ARL15: variants seen among roughly 807,000 people sequenced by gnomAD.
The protein encoded by ARL15 is ADP-ribosylation factor-like protein 15.
Under a neutral mutation model 25.2 loss-of-function variants are expected in ARL15, and 19 were observed. The observed-to-expected ratio is 0.75, with a 90% CI of 0.53 to 1.10. The LOEUF is 1.10. ARL15 is among the 50% of genes least tolerant of loss of function. The pLI is 0.00. For missense variants in ARL15, 220 were observed against 246.0 expected, an observed-to-expected ratio of 0.89 and a Z score of 0.71; for synonymous variants, 94 against 86.8, an observed-to-expected ratio of 1.08 and a Z score of -0.46.
intron 1 of ARL15, among the ~76,000 whole-genome samples, chr5:54,277,357 C>A (rs1048249234): frequency 1.3e-5 from 2 of 152,026 alleles, no homozygotes; most frequent in African/African-American, 4.8e-5. Context: ...TGATTTCTAC[C>A]CACTAGCAAA....
At chr5:54,307,954 G>C (rs991252534) in intron 1 of ARL15, 1 of 152,086 alleles carries the variant, frequency 6.6e-6, no homozygotes, top group African/African-American at 2.4e-5. Context: ...TCCCTGCAAG[G>C]TAAGTAAAAG....
chr5:54,223,116 A>G (rs1756423774), intron 1 of ARL15, among the ~76,000 whole-genome samples: 1 of 151,702 alleles, frequency 6.6e-6, no homozygotes, highest in African/African-American at 2.4e-5. Flanking sequence ...GGGCCTTAAA[A>G]TTATCACGCA....
intron 4 of ARL15, among the ~76,000 whole-genome samples, chr5:54,030,637 G>C (rs31227): frequency 0.31 from 46,438 of 151,912 alleles, 8,104 homozygotes; most frequent in African/African-American, 0.47. Context: ...AGTTTGGCTT[G>C]TGCCAAGAAC....
At chr5:54,099,965 A>AT (rs1343407597) in intron 4 of ARL15, among the ~76,000 whole-genome samples, 1 of 152,040 alleles carries the variant, frequency 6.6e-6, no homozygotes, top group Non-Finnish European at 1.5e-5. Context: ...GCCAAGTTAA[A>AT]TATTCATCAA....
chr5:53,926,937 GA>G (rs1354156145), intron 4 of ARL15, among the ~76,000 whole-genome samples: 5 of 149,346 alleles, frequency 3.3e-5, no homozygotes, highest in Non-Finnish European at 7.4e-5. Flanking sequence ...CAGTCACCAA[GA>G]CCTTTTTTTT....
At chr5:54,050,117 C>G (rs1011272311) in intron 4 of ARL15, among the ~76,000 whole-genome samples, 5 of 152,128 alleles carry the variant, frequency 3.3e-5, no homozygotes, top group South Asian at 2.1e-4. Flanking sequence ...ACGAAGAATT[C>G]AAGCACCAAA....
At chr5:53,959,680 T>G (rs1747298093) in intron 4 of ARL15, among the ~76,000 whole-genome samples, 1 of 152,098 alleles carries the variant, frequency 6.6e-6, no homozygotes, top group East Asian at 1.9e-4. Context: ...TACTACTTTC[T>G]GCACTGATTT....
intron 4 of ARL15, among the ~76,000 whole-genome samples, chr5:53,988,480 A>C (rs1748372618): frequency 6.6e-6 from 1 of 152,180 alleles, no homozygotes; most frequent in African/African-American, 2.4e-5. Flanking sequence ...CTGCTCATTA[A>C]ATGTTAGCTT....
chr5:53,957,113 A>G (rs1389363267), intron 4 of ARL15, among the ~76,000 whole-genome samples: 1 of 152,196 alleles, frequency 6.6e-6, no homozygotes, highest in Non-Finnish European at 1.5e-5. Flanking sequence ...GTGAACTCCA[A>G]CAAGAATCAA....
At chr5:54,250,477 C>A (rs1302337466) in intron 1 of ARL15, among the ~76,000 whole-genome samples, 1 of 152,130 alleles carries the variant, frequency 6.6e-6, no homozygotes, top group Non-Finnish European at 1.5e-5. Context: ...TGATGAGAAG[C>A]AAGTTTAGTT....
intron 2 of ARL15, among the ~76,000 whole-genome samples, chr5:54,168,626 T>C (rs1157894601): frequency 6.6e-6 from 1 of 152,008 alleles, no homozygotes; most frequent in Non-Finnish European, 1.5e-5. Context: ...CCTAAATCTC[T>C]GCATGCTGTG....
chr5:53,970,017 TG>T (rs1179639128), intron 4 of ARL15, among the ~76,000 whole-genome samples: 2 of 152,196 alleles, frequency 1.3e-5, no homozygotes, highest in African/African-American at 4.8e-5. Context: ...GGGAGAACCT[TG>T]GAAGAAGTAA....
chr5:54,225,055 C>T (rs892225400), intron 1 of ARL15, among the ~76,000 whole-genome samples: 27 of 152,170 alleles, frequency 1.8e-4, no homozygotes, highest in African/African-American at 6.5e-4. Flanking sequence ...CTATTTTTCT[C>T]TAAAAATGAG....
intron 1 of ARL15, among the ~76,000 whole-genome samples, chr5:54,236,547 T>C (rs560330690): frequency 1.8e-4 from 28 of 152,290 alleles, no homozygotes; most frequent in Admixed American, 7.8e-4. Context: ...GTATGCTTCG[T>C]CTGTCATTCT....
At chr5:54,063,257 G>A (rs369796161) in intron 4 of ARL15, among the ~76,000 whole-genome samples, 13 of 152,352 alleles carry the variant, frequency 8.5e-5, no homozygotes, top group African/African-American at 3.1e-4. Flanking sequence ...CAAGTTGAGG[G>A]ATCTGTGGCT....
At chr5:54,015,164 G>A (rs1230706509) in intron 4 of ARL15, among the ~76,000 whole-genome samples, 2 of 151,660 alleles carry the variant, frequency 1.3e-5, no homozygotes, top group African/African-American at 4.8e-5. Context: ...CATGGTGGTG[G>A]GCACCTGTAA....
intron 4 of ARL15, among the ~76,000 whole-genome samples, chr5:54,101,777 T>A (rs1234648856): frequency 6.6e-6 from 1 of 152,166 alleles, no homozygotes; most frequent in East Asian, 1.9e-4. Context: ...GGACTTAATT[T>A]GCTTATTAAC....
intron 4 of ARL15, among the ~76,000 whole-genome samples, chr5:53,926,255 G>T (rs1469938602): frequency 6.6e-6 from 1 of 152,098 alleles, no homozygotes; most frequent in African/African-American, 2.4e-5. Context: ...CTGCAGAGAT[G>T]CGGGCAGGAG....
At chr5:53,892,117 A>C (rs1744733256) in intron 4 of ARL15, among the ~76,000 whole-genome samples, 1 of 152,190 alleles carries the variant, frequency 6.6e-6, no homozygotes, top group African/African-American at 2.4e-5. Flanking sequence ...AAGGCAGAAA[A>C]ACAATGGATT....
Sources: allele counts gnomAD v4.1 joint callset (sites outside exome capture counted in the v4.1 genomes callset), GRCh38; gene constraint gnomAD v4.1.1; transcripts MANE v1.5; gene names NCBI Gene and HGNC (gene_info 2026-07-23, HGNC 2026-07-21).